Variants in CNKSR2 observed in about 807,000 individuals in gnomAD.
CNKSR2 encodes CNK homolog protein 2.
CNKSR2 carries 14 observed loss-of-function variants against 84.4 expected under a neutral mutation model. The observed-to-expected ratio is 0.17, with a 90% CI of 0.11 to 0.26. CNKSR2 has a LOEUF of 0.26. Ranked by LOEUF, CNKSR2 falls within the 10% of genes least tolerant of loss-of-function variation. The pLI is 1.00. For missense variants in CNKSR2, 485 were observed against 771.2 expected (o/e 0.63, Z 4.40); for synonymous variants, 275 against 277.9 (o/e 0.99, Z 0.10).
chrX:21,598,557 G>T (rs2092463097), intron 17 of CNKSR2, among the ~76,000 whole-genome samples: 1 of 111,679 alleles, frequency 9.0e-6, no homozygotes, highest in Non-Finnish European at 1.9e-5. Flanking sequence ...ATTTAGACCT[G>T]CTATTAAATA....
chrX:21,437,218 T>TAAAAC (rs751312634), intron 3 of CNKSR2, among the ~76,000 whole-genome samples: 11 of 110,698 alleles, frequency 9.9e-5, no homozygotes, highest in East Asian at 2.8e-4. Flanking sequence ...GTAGTTATGG[T>TAAAAC]AAAACAAAAC....
intron 17 of CNKSR2, among the ~76,000 whole-genome samples, chrX:21,599,707 T>A: frequency 9.0e-6 from 1 of 111,547 alleles, no homozygotes; most frequent in East Asian, 2.8e-4. Context: ...GGCACTGGAT[T>A]AAAATTCAAT....
chrX:21,508,364 T>C (rs2091636053), intron 8 of CNKSR2, among the ~76,000 whole-genome samples: 1 of 111,814 alleles, frequency 8.9e-6, no homozygotes, highest in Non-Finnish European at 1.9e-5. Flanking sequence ...ATGGTTATTT[T>C]AAAATATGTT....
chrX:21,568,016 G>C (rs974277520), intron 13 of CNKSR2, among the ~76,000 whole-genome samples: 1 of 111,980 alleles, frequency 8.9e-6, no homozygotes, highest in African/African-American at 3.2e-5. Context: ...GGCCGAGCAC[G>C]GTGGCTCATG....
At chrX:21,400,079 G>T (rs1277237904) in intron 1 of CNKSR2, among the ~76,000 whole-genome samples, 1 of 110,934 alleles carries the variant, frequency 9.0e-6, no homozygotes, top group East Asian at 2.8e-4. Flanking sequence ...TATATGCAAA[G>T]ATCATAGTAG....
Position 21,631,120 on chromosome X carries a change from G to A in CNKSR2, c.2693-17711G>A, listed in dbSNP as rs757643102. Among the ~76,000 whole-genome samples the A allele has an allele frequency of 4.5e-5, 5 of 110,578 alleles. No individual in the cohort carries two copies. In the South Asian group the frequency reaches 1.5e-3, roughly 34 times the overall value. On this transcript the variant is annotated intron_variant, in intron 20 of 21. Coordinates refer to ENST00000379510, the MANE Select transcript of CNKSR2 (RefSeq NM_014927.5). The stretch of plus-strand genomic sequence containing the variant: ...GAGGATTGCTTGAGCCCAGGAGTTC[G>A]AGACCAGCCTGGGCAACATGGCAAA...
intron 21 of CNKSR2, among the ~76,000 whole-genome samples, chrX:21,651,633 C>T (rs1390864020): frequency 3.6e-5 from 4 of 111,828 alleles, no homozygotes; most frequent in Admixed American, 9.5e-5. Flanking sequence ...CCTACTTCTC[C>T]ATCCCACCTT....
intron 1 of CNKSR2, among the ~76,000 whole-genome samples, chrX:21,418,646 ACT>A (rs1362226917): frequency 9.2e-6 from 1 of 108,303 alleles, no homozygotes; most frequent in Non-Finnish European, 1.9e-5. Flanking sequence ...TCCACCGAAA[ACT>A]CTGTCATCAG....
At chrX:21,395,559 A>AT (rs1194056281) in intron 1 of CNKSR2, among the ~76,000 whole-genome samples, 1 of 110,608 alleles carries the variant, frequency 9.0e-6, no homozygotes, top group African/African-American at 3.3e-5. Flanking sequence ...GAAAAAAAAA[A>AT]GAGATCATGT....
Position 21,591,016 on chromosome X carries a change from C to G in CNKSR2, c.1658-6C>G. ...ACAAAATTGAAAGAGCATTTCCACC[C>G]TTTAGGTCCTATAGCAGGCAAGAGC... On this transcript the variant is annotated splice_polypyrimidine_tract_variant and splice_region_variant and intron_variant, in intron 14 of 21. Transcript: ENST00000379510. The G allele has an allele frequency of 8.3e-7, 1 of 1,202,646 alleles. No homozygotes were observed. Among genetic ancestry groups the G allele is most frequent in the Non-Finnish European group, 1.1e-6 (1 of 890,316 alleles).
At chrX:21,606,477 ATC>A (rs1042642983) in intron 18 of CNKSR2, 2 of 195,580 alleles carry the variant, frequency 1.0e-5, no homozygotes, top group Non-Finnish European at 1.8e-5. Context: ...TGGGTCTGAA[ATC>A]TGAGGTACCC....
intron 1 of CNKSR2, among the ~76,000 whole-genome samples, chrX:21,415,874 A>G (rs2090415367): frequency 1.1e-5 from 1 of 89,458 alleles, no homozygotes; most frequent in Non-Finnish European, 2.5e-5. Flanking sequence ...ACACACACAT[A>G]TATATATATA....
rs1363355764 is a variant in CNKSR2, at chrX:21,461,194, G to C, written c.520-9572G>C. On this transcript the variant is annotated intron_variant, in intron 4 of 21. Transcript: ENST00000379510. ...TTTCTCCACATCCTCACCAGCATTTGTTATTGTCTGTCTTTTGGATATAAG... is the reference window on the plus strand; with the variant it reads ...TTTCTCCACATCCTCACCAGCATTTCTTATTGTCTGTCTTTTGGATATAAG... Among the ~76,000 whole-genome samples the C allele has an allele frequency of 8.9e-5, 10 of 112,107 alleles. No homozygotes were observed. In the Admixed American group the frequency reaches 9.4e-4, roughly 11 times the overall value.
chrX:21,593,311 C>A (rs2092432167), intron 15 of CNKSR2: 1 of 111,985 alleles, frequency 8.9e-6, no homozygotes, highest in Admixed American at 9.5e-5. Flanking sequence ...TAATACTACT[C>A]TTTTTCATAA....
intron 1 of CNKSR2, among the ~76,000 whole-genome samples, chrX:21,411,036 T>C (rs886522567): frequency 3.6e-5 from 4 of 109,899 alleles, no homozygotes; most frequent in Admixed American, 2.9e-4. Flanking sequence ...TACTAAACTT[T>C]TCTTTTGTGG....
chrX:21,459,967 C>G (rs1384379319), intron 4 of CNKSR2, among the ~76,000 whole-genome samples: 2 of 111,610 alleles, frequency 1.8e-5, no homozygotes, highest in African/African-American at 6.5e-5. Context: ...TTCCAAAACT[C>G]TTTTCTTGTC....
At chrX:21,555,891 C>T (rs191187850) in intron 11 of CNKSR2, among the ~76,000 whole-genome samples, 72 of 110,359 alleles carry the variant, frequency 6.5e-4, no homozygotes, top group African/African-American at 2.0e-3. Flanking sequence ...TTTTTAAAAG[C>T]GATACAAATG....
chrX:21,402,142 A>G (rs2090199594), intron 1 of CNKSR2, among the ~76,000 whole-genome samples: 3 of 110,965 alleles, frequency 2.7e-5, no homozygotes, highest in African/African-American at 6.5e-5. Flanking sequence ...AAAAAAGGAT[A>G]AAAACAGGGT....
At chrX:21,627,771 A>G (rs914499999) in intron 20 of CNKSR2, among the ~76,000 whole-genome samples, 3 of 111,449 alleles carry the variant, frequency 2.7e-5, no homozygotes, top group Non-Finnish European at 5.7e-5. Flanking sequence ...TCCCTCCCAC[A>G]ACCCATGGGA....
Sources: gnomAD v4.1 joint callset for allele counts (sites outside exome capture counted in the v4.1 genomes callset) on GRCh38, gnomAD v4.1.1 for gene constraint, MANE v1.5 for transcripts, NCBI Gene and HGNC (gene_info 2026-07-23, HGNC 2026-07-21) for gene names.